Variants in YME1L1 observed in about 807,000 individuals in gnomAD.
YME1L1 encodes YME1 like 1 ATPase.
A neutral mutation model predicts 90.4 loss-of-function variants in YME1L1; 39 were observed. The ratio of observed to expected loss-of-function variants is 0.43; its 90% CI spans 0.33 to 0.56. The LOEUF is 0.56. Among genes scored for constraint, YME1L1 ranks in the 20% least tolerant of loss-of-function variants. The pLI, the probability that YME1L1 is intolerant of heterozygous loss-of-function variation, is 0.03. For missense variants in YME1L1, 617 were observed against 868.4 expected, an observed-to-expected ratio of 0.71 and a Z score of 3.64; for synonymous variants, 284 against 287.3, an observed-to-expected ratio of 0.99 and a Z score of 0.12.
At chr10:27,130,448 T>A (rs1447716215) in intron 8 of YME1L1, among the ~76,000 whole-genome samples, 4 of 152,168 alleles carry the variant, frequency 2.6e-5, no homozygotes, top group Non-Finnish European at 5.9e-5. Context: ...CTCCCATACC[T>A]CCAAAGTGGT....
At chr10:27,148,755 G>T in intron 2 of YME1L1, 151 bp downstream of exon 2, 2 of 851,374 alleles carry the variant, frequency 2.3e-6, no homozygotes, top group Non-Finnish European at 3.7e-6. Flanking sequence ...CTGGTCAATA[G>T]TAGGGTATTA....
At chr10:27,132,126 G>C (rs1346559970) in intron 7 of YME1L1, among the ~76,000 whole-genome samples, 185 bp from the exon 8 acceptor site, 3 of 152,002 alleles carry the variant, frequency 2.0e-5, no homozygotes, top group East Asian at 3.9e-4. Flanking sequence ...CTTTTTGACA[G>C]AGTCTTGCTC....
rs2057098570 is a variant in YME1L1, at chr10:27,142,417, T to C, written c.400A>G (p.Ser134Gly). 1 of 1,526,420 alleles carries C rather than the reference T, an allele frequency of 6.6e-7. No individual in the cohort carries two copies. The highest frequency in any genetic ancestry group is 8.8e-7 in the Non-Finnish European group (1 of 1,137,048). The allele number at this position is 1,526,420 out of a possible 1,614,324, so 94.6% of individuals were successfully genotyped here. A position where few individuals can be genotyped will look rare whatever the true frequency, so the allele number is the denominator to read the frequency against. The change falls in exon 4 of 19, where the codon AGC (serine) becomes GGC (glycine). Residue 134 changes from serine to glycine, a missense_variant. Ser to Gly is a moderately conservative substitution (Grantham distance 56). Coordinates refer to ENST00000376016, the MANE Select transcript of YME1L1 (RefSeq NM_014263.4). ...CAGTACTGAAGATCTGAACAAATGC[T>C]TTGAAGAGCTCTTGAATGATGTCGA... The part of the protein sequence containing the change: ...LYRHHSRALQ[S>G]ICSDLQYWPV...
chr10:27,138,347 C>T (rs1224907233), intron 4 of YME1L1, among the ~76,000 whole-genome samples: 1 of 152,068 alleles, frequency 6.6e-6, no homozygotes, highest in African/African-American at 2.4e-5. Flanking sequence ...ATCAACTTCT[C>T]GATTTCCCAA....
chr10:27,114,694 G>T, intron 17 of YME1L1, 87 bp from the exon 18 acceptor site: 1 of 939,624 alleles, frequency 1.1e-6, no homozygotes, highest in Non-Finnish European at 1.6e-6. Context: ...TATATATAAG[G>T]AAACAAATAT....
intron 4 of YME1L1, among the ~76,000 whole-genome samples, chr10:27,139,042 T>C (rs1239584307): frequency 1.3e-5 from 2 of 152,150 alleles, no homozygotes; most frequent in Non-Finnish European, 2.9e-5. Context: ...TAAATCACTT[T>C]TGTATTCCTT....
At chr10:27,128,763 G>C (rs2056946050) in intron 8 of YME1L1, among the ~76,000 whole-genome samples, 1 of 151,584 alleles carries the variant, frequency 6.6e-6, no homozygotes, top group African/African-American at 2.4e-5. Flanking sequence ...ACAAAAATTA[G>C]CCAGGCATAG....
At chr10:27,117,467 C>T in intron 15 of YME1L1, 109 bp downstream of exon 15, 2 of 1,204,326 alleles carry the variant, frequency 1.7e-6, no homozygotes, top group South Asian at 3.0e-5. Context: ...ACTTGGGAGG[C>T]TGAGGTGAAA....
intron 17 of YME1L1, 27 bp downstream of exon 17, chr10:27,116,033 A>G (rs1421108363): frequency 1.9e-6 from 3 of 1,586,518 alleles, no homozygotes; most frequent in South Asian, 2.2e-5. Flanking sequence ...AATTTGATAC[A>G]TGAAAAGGAT....
chr10:27,136,443 C>T (rs1469974453), intron 4 of YME1L1, 58 bp from the exon 5 acceptor site: 4 of 1,417,982 alleles, frequency 2.8e-6, no homozygotes, highest in African/African-American at 1.4e-5. Context: ...AAGAAAAATG[C>T]CTAAGATTCT....
At chr10:27,149,889 C>T (rs1326256973) in intron 1 of YME1L1, among the ~76,000 whole-genome samples, 2 of 150,524 alleles carry the variant, frequency 1.3e-5, no homozygotes, top group African/African-American at 2.4e-5. Context: ...GCCTGGCCAA[C>T]GTGGTGAAAT....
intron 18 of YME1L1, 48 bp from the exon 19 acceptor site, chr10:27,112,168 G>C: frequency 1.9e-6 from 3 of 1,552,286 alleles, no homozygotes; most frequent in Non-Finnish European, 2.6e-6. Flanking sequence ...GCAGGGATGC[G>C]AAAACCAGTC....
Position 27,136,092 on chromosome 10 carries a change from G to A in YME1L1, c.540+184C>T, listed in dbSNP as rs11015563. Among the ~76,000 whole-genome samples the A allele has an allele frequency of 0.5, 75,744 of 151,954 alleles. 21,655 individuals are homozygous for A. Among genetic ancestry groups the A allele is most frequent in the Non-Finnish European group, 0.65 (43,900 of 67,940 alleles). On this transcript the variant is annotated intron_variant, in intron 5 of 18. Coordinates refer to ENST00000376016, the MANE Select transcript of YME1L1 (RefSeq NM_014263.4). ...TTTGTGGGAAAAAAATCTAGTAAGT[G>A]GAGAGGCAAGTCTGGTGCCCAGAAG... is the stretch of plus-strand genomic sequence containing the variant.
In YME1L1 at chr10:27,136,331, TG is replaced by T. The variant is rs1282328129; in HGVS notation, c.484del (p.Gln162SerfsTer7). Reference protein sequence around the residue: ...KTLKSRTRRLQSTSERLAETQ... With the variant: ...KTLKSRTRRLXSTSERLAETQ... ...TTCAGCTAATCTCTCGGAGGTAGAC[TG>T]GAGACGTCGTGTCCTTGATTTCAAA... On this transcript the variant is annotated frameshift_variant, in exon 5 of 19. Coordinates refer to ENST00000376016, the MANE Select transcript of YME1L1 (RefSeq NM_014263.4). LOFTEE classifies it high-confidence loss of function. The T allele has an allele frequency of 1.2e-6, 2 of 1,613,876 alleles. No homozygotes were observed. Among genetic ancestry groups the T allele is most frequent in the Non-Finnish European group, 1.7e-6 (2 of 1,179,980 alleles).
At chr10:27,143,767 T>C (rs2057115374) in intron 3 of YME1L1, among the ~76,000 whole-genome samples, 1 of 150,100 alleles carries the variant, frequency 6.7e-6, no homozygotes, top group Non-Finnish European at 1.5e-5. Flanking sequence ...CATAAAGAGA[T>C]AAAGAACTGC....
At chr10:27,143,198 C>T (rs967413792) in intron 3 of YME1L1, among the ~76,000 whole-genome samples, 1 of 150,098 alleles carries the variant, frequency 6.7e-6, no homozygotes, top group Non-Finnish European at 1.5e-5. Context: ...GGAGAAACCC[C>T]GTCTCTACTA....
intron 5 of YME1L1, among the ~76,000 whole-genome samples, chr10:27,135,491 A>G (rs987546812): frequency 6.6e-6 from 1 of 152,346 alleles, no homozygotes; most frequent in South Asian, 2.1e-4. Flanking sequence ...TGGTAAATCA[A>G]TGCTACCTCA....
Position 27,125,641 on chromosome 10 carries a change from A to ATT in YME1L1, c.949+1053_949+1054dup, listed in dbSNP as rs199852948. Among the ~76,000 whole-genome samples, 533 of 134,172 alleles carry ATT rather than the reference A, an allele frequency of 4.0e-3. 5 individuals are homozygous for ATT. The highest frequency in any genetic ancestry group is 0.014 in the African/African-American group (495 of 36,338). The allele number at this position is 134,172 out of a possible 152,430, so 88.0% of individuals were successfully genotyped here. On this transcript the variant is annotated intron_variant, in intron 9 of 18. Coordinates refer to ENST00000376016, the MANE Select transcript of YME1L1 (RefSeq NM_014263.4). Reference sequence around the variant, plus strand: ...GTTTTGTATGTATGTTAAATGTCCTATTTTTTTTTTTTTTTTGAGACAGAA... The same window carrying ATT: ...GTTTTGTATGTATGTTAAATGTCCTATTTTTTTTTTTTTTTTTTGAGACAGAA...
chr10:27,113,721 A>T (rs1039561592), intron 18 of YME1L1, among the ~76,000 whole-genome samples: 18 of 151,252 alleles, frequency 1.2e-4, no homozygotes, highest in African/African-American at 4.4e-4. Context: ...GAAATCATAG[A>T]GCTAGGCATA....
Sources: allele counts gnomAD v4.1 joint callset (sites outside exome capture counted in the v4.1 genomes callset), GRCh38; gene constraint gnomAD v4.1.1; transcripts MANE v1.5; gene names NCBI Gene and HGNC (gene_info 2026-07-23, HGNC 2026-07-21).